FAM185A: variants seen among roughly 807,000 people sequenced by gnomAD.
FAM185A encodes the protein protein FAM185A.
Under a neutral mutation model 45.7 loss-of-function variants are expected in FAM185A, and 21 were observed. The ratio of observed to expected loss-of-function variants is 0.46; its 90% confidence interval spans 0.33 to 0.66. FAM185A has a LOEUF of 0.66. FAM185A is among the 30% of genes least tolerant of loss of function. FAM185A has a pLI of 0.03. For synonymous variants in FAM185A, 117 were observed against 194.0 expected (o/e 0.60, Z 3.30); for missense variants, 305 against 485.4 (o/e 0.63, Z 3.49).
At chr7:102,844,790 GT>G in the FAM185A span, among the ~76,000 whole-genome samples, 1 of 152,156 alleles carries the variant, frequency 6.6e-6, no homozygotes, top group African/African-American at 2.4e-5. Context: ...CCAATCGCAA[GT>G]CCCAGGTTGT....
At chr7:102,761,866 G>A (rs1794128503) in intron 4 of FAM185A, among the ~76,000 whole-genome samples, 1 of 152,092 alleles carries the variant, frequency 6.6e-6, no homozygotes, top group Non-Finnish European at 1.5e-5. Flanking sequence ...GTTTCGCCAT[G>A]TTGCCCAGGC....
At chr7:102,838,244 A>C in the FAM185A span, among the ~76,000 whole-genome samples, 1 of 152,206 alleles carries the variant, frequency 6.6e-6, no homozygotes, top group South Asian at 2.1e-4. Flanking sequence ...TGGTGTGGGA[A>C]TAACACAGGA....
chr7:102,844,173 T>C, the FAM185A span, among the ~76,000 whole-genome samples: 2 of 152,364 alleles, frequency 1.3e-5, no homozygotes, highest in African/African-American at 4.8e-5. Context: ...AGATGAACTG[T>C]CTCTGTTAGA....
chr7:102,832,478 A>G, the FAM185A span, among the ~76,000 whole-genome samples: 2 of 152,260 alleles, frequency 1.3e-5, no homozygotes, highest in South Asian at 4.1e-4. Flanking sequence ...AAACACTTTT[A>G]GATCTAACCT....
At chr7:102,822,565 C>G in the FAM185A span, 1 of 416,172 alleles carries the variant, frequency 2.4e-6, no homozygotes, top group South Asian at 1.8e-5. Context: ...GCCCCACTTT[C>G]TATTACTGTC....
At chr7:102,815,692 A>C in the FAM185A span, among the ~76,000 whole-genome samples, 3 of 152,274 alleles carry the variant, frequency 2.0e-5, no homozygotes, top group South Asian at 6.2e-4. Context: ...GCAAATCCTC[A>C]TTCACCAAGT....
chr7:102,846,060 G>C, the FAM185A span, among the ~76,000 whole-genome samples: 1 of 152,206 alleles, frequency 6.6e-6, no homozygotes, highest in South Asian at 2.1e-4. Flanking sequence ...TCATAAAGTA[G>C]GAAATTAATA....
At chr7:102,792,160 T>C (rs1320233702) in intron 7 of FAM185A, among the ~76,000 whole-genome samples, 1 of 149,156 alleles carries the variant, frequency 6.7e-6, no homozygotes, top group African/African-American at 2.5e-5. Flanking sequence ...TCCCACAGGG[T>C]TTTGATGTGT....
chr7:102,825,236 G>A, the FAM185A span, among the ~76,000 whole-genome samples: 1 of 152,148 alleles, frequency 6.6e-6, no homozygotes, highest in Non-Finnish European at 1.5e-5. Flanking sequence ...CCCAAGATGT[G>A]GCAGTATTGA....
At chr7:102,826,733 A>ATATATATG in the FAM185A span, among the ~76,000 whole-genome samples, 2 of 41,688 alleles carry the variant, frequency 4.8e-5, no homozygotes, top group Admixed American at 4.7e-4. Context: ...TCATATATAT[A>ATATATATG]TATATATATA....
the FAM185A span, among the ~76,000 whole-genome samples, chr7:102,826,048 AT>A: frequency 2.6e-5 from 4 of 151,532 alleles, no homozygotes; most frequent in African/African-American, 7.3e-5. Flanking sequence ...AATATATGTG[AT>A]TTTTTTTTAG....
rs1278566859 is a variant in FAM185A, at chr7:102,787,401, A to T, written c.998A>T (p.Asp333Val). 1.2e-5 allele frequency: 18 copies of T among 1,536,796 alleles called. No individual in the cohort carries two copies. The highest frequency in any genetic ancestry group is 1.5e-5 in the Non-Finnish European group (17 of 1,136,534). Residue 333 changes from aspartate to valine, a missense_variant, in exon 7 of 8, where the codon GAT (aspartate) becomes GTT (valine). Around this residue, in one of 5 missense-constraint regions of FAM185A, gnomAD observed 66 missense variants for 74.6 expected, o/e 0.89. Transcript: ENST00000413034. ...AHLQLSGKEV[D>V]VNSEVHVQEM... is the part of the protein sequence containing the mutation. ...TTACAGTTATCAGGGAAAGAGGTTG[A>T]TGTGAACTCAGAAGTCCATGTTCAG...
the FAM185A span, chr7:102,822,263 G>T: frequency 6.6e-7 from 1 of 1,524,380 alleles, no homozygotes; most frequent in Non-Finnish European, 9.1e-7. Flanking sequence ...GAAGAACAGT[G>T]CCTTAGTCAC....
intron 7 of FAM185A, among the ~76,000 whole-genome samples, chr7:102,798,991 G>A (rs1349044407): frequency 6.6e-6 from 1 of 152,178 alleles, no homozygotes. Flanking sequence ...CAGGTGATCC[G>A]CCCGCCCTGA....
At chr7:102,782,278 C>T (rs1449125884) in intron 6 of FAM185A, among the ~76,000 whole-genome samples, 2 of 152,272 alleles carry the variant, frequency 1.3e-5, no homozygotes, top group East Asian at 3.9e-4. Context: ...GGCCAACATT[C>T]AGATTGAGGA....
At chr7:102,790,119 G>A (rs1047603390) in intron 7 of FAM185A, among the ~76,000 whole-genome samples, 8 of 151,782 alleles carry the variant, frequency 5.3e-5, no homozygotes, top group Non-Finnish European at 1.0e-4. Flanking sequence ...ACACTCTAAC[G>A]ATAAAAAGTA....
chr7:102,812,373 C>T (rs911039317), downstream of FAM185A, among the ~76,000 whole-genome samples: 18 of 152,144 alleles, frequency 1.2e-4, no homozygotes, highest in Non-Finnish European at 2.5e-4. Flanking sequence ...AGAATTCCTC[C>T]GTTGTGCAAA....
the FAM185A span, among the ~76,000 whole-genome samples, chr7:102,827,510 G>A: frequency 2.6e-5 from 4 of 152,084 alleles, no homozygotes; most frequent in Admixed American, 2.6e-4. Context: ...GTAATATATG[G>A]TAAAATATGA....
At chr7:102,822,408 C>T in the FAM185A span, 5 of 678,864 alleles carry the variant, frequency 7.4e-6, no homozygotes, top group Non-Finnish European at 1.3e-5. Context: ...TGGGAAGTCC[C>T]TCCTTATTTG....
Sources: gnomAD v4.1 joint callset for allele counts (sites outside exome capture counted in the v4.1 genomes callset) on GRCh38, gnomAD v4.1.1 for gene constraint, gnomAD v4.1.1 regional missense constraint, MANE v1.5 for transcripts, NCBI Gene and HGNC (gene_info 2026-07-23, HGNC 2026-07-21) for gene names.